DNAH8: variants seen among roughly 807,000 people sequenced by gnomAD.
DNAH8 encodes axonemal beta dynein heavy chain 8.
In DNAH8, 382 loss-of-function variants were observed where a neutral mutation model predicts 562.1. The observed-to-expected ratio is 0.68, with a 90% CI of 0.63 to 0.74. DNAH8 has a LOEUF of 0.74. DNAH8 is among the 30% of genes least tolerant of loss of function. DNAH8 has a pLI of 0.00. For synonymous variants in DNAH8, 1,881 were observed against 1,919.4 expected, an observed-to-expected ratio of 0.98 and a Z score of 0.52; for missense variants, 5,203 against 5,620.4, an observed-to-expected ratio of 0.93 and a Z score of 2.37.
chr6:38,809,338 T>C (rs1771586976), intron 24 of DNAH8, among the ~76,000 whole-genome samples: 1 of 152,206 alleles, frequency 6.6e-6, no homozygotes, highest in Non-Finnish European at 1.5e-5. Context: ...CTTCCCTACT[T>C]CATAATGTCT....
chr6:38,994,688 C>A lies in DNAH8; in HGVS notation c.13214+4516C>A, dbSNP rs560162927. 2.7e-5 allele frequency among the ~76,000 whole-genome samples: 4 copies of A among 148,310 alleles called. No homozygotes were observed. In the East Asian group the frequency reaches 7.8e-4, roughly 29 times the overall value. ...TTTGAGCCGGAGTCATGCTCTGTTG[C>A]CCAGGCTGGAGTGCTGTGGCATGAT... On this transcript the variant is annotated intron_variant, in intron 88 of 92. Coordinates refer to ENST00000327475, the MANE Select transcript of DNAH8 (RefSeq NM_001206927.2).
chr6:38,981,897 C>A (rs1425347949), intron 85 of DNAH8, among the ~76,000 whole-genome samples: 1 of 152,174 alleles, frequency 6.6e-6, no homozygotes, highest in African/African-American at 2.4e-5. Flanking sequence ...ACGTTTCAGT[C>A]AACATGGATT....
intron 11 of DNAH8, chr6:38,763,190 TGG>T: frequency 3.8e-6 from 1 of 265,192 alleles, no homozygotes; most frequent in Non-Finnish European, 7.4e-6. Context: ...ATCATACATT[TGG>T]AAACTCAGTT....
At chr6:38,816,547 G>A (rs2150323051) in intron 26 of DNAH8, among the ~76,000 whole-genome samples, 1 of 151,936 alleles carries the variant, frequency 6.6e-6, no homozygotes, top group South Asian at 2.1e-4. Flanking sequence ...AATGAACATA[G>A]GCGTGCATGT....
intron 75 of DNAH8, among the ~76,000 whole-genome samples, chr6:38,930,522 A>G (rs1045033417): frequency 5.9e-5 from 9 of 152,208 alleles, no homozygotes; most frequent in Admixed American, 5.9e-4. Flanking sequence ...AGCATCCAAT[A>G]TATACTTAAG....
Position 38,717,287 on chromosome 6 carries a change from T to C in DNAH8, c.-35+1872T>C, listed in dbSNP as rs574699621. Among the ~76,000 whole-genome samples, 8 of 152,308 alleles carry C rather than the reference T, an allele frequency of 5.3e-5. No homozygotes were observed. The East Asian group carries it at 1.5e-3, about 29-fold the overall frequency. ...CTGTGTGCTTTGCATCAGCAGAATG[T>C]GAATGCTTGGGGGTAGATTCGTAGG... On this transcript the variant is annotated intron_variant, in intron 1 of 92. Coordinates refer to ENST00000327475, the MANE Select transcript of DNAH8 (RefSeq NM_001206927.2).
At position 38,906,469 on chromosome 6, in the gene DNAH8, A is replaced by G. The variant is rs1780486709; in HGVS notation, c.9348+62A>G. 3 of 1,302,388 alleles carry G rather than the reference A, an allele frequency of 2.3e-6. No individual in the cohort carries two copies. In the East Asian group the frequency reaches 7.8e-5, roughly 34 times the overall value. The allele number at this position is 1,302,388 out of a possible 1,614,324, so 80.7% of individuals were successfully genotyped here. Reference sequence around the variant, plus strand: ...AAAATATAAATTATATTGGAATAGAAAAAGCAGCAACCTTTCAAAAATGAG... The same window carrying G: ...AAAATATAAATTATATTGGAATAGAGAAAGCAGCAACCTTTCAAAAATGAG... On this transcript the variant is annotated intron_variant, in intron 63 of 92. Transcript: ENST00000327475.
chr6:38,990,094 A>G lies in DNAH8; in HGVS notation c.13136A>G (p.Gln4379Arg), dbSNP rs1764678108. Residue 4379 changes from glutamine (Q) to arginine (R), a missense_variant, in exon 88 of 93, where the codon CAG (glutamine) becomes CGG (arginine). By Grantham distance (43) the Gln-to-Arg change is conservative. Coordinates refer to ENST00000327475, the MANE Select transcript of DNAH8 (RefSeq NM_001206927.2). ...YKIPLCKTLD[Q>R]YFEYIQSLPS... ...ATCCCCTTATGCAAAACCTTAGACC[A>G]GTATTTTGAATACATCCAGTCACTG... 1 of 1,601,242 alleles carries G rather than the reference A, an allele frequency of 6.2e-7. No individual in the cohort carries two copies. Among genetic ancestry groups the G allele is most frequent in the Admixed American group, 1.7e-5 (1 of 59,960 alleles).
intron 87 of DNAH8, among the ~76,000 whole-genome samples, chr6:38,988,486 C>A (rs893930329): frequency 2.0e-5 from 3 of 152,196 alleles, no homozygotes; most frequent in Non-Finnish European, 2.9e-5. Context: ...TTTAAGTCAT[C>A]CACGTCGTGA....
intron 73 of DNAH8, 111 bp downstream of exon 73, chr6:38,924,273 G>A: frequency 9.9e-7 from 1 of 1,011,248 alleles, no homozygotes; most frequent in Non-Finnish European, 1.4e-6. Context: ...AGCACTTTGG[G>A]AGGCTGAGGA....
At chr6:38,937,167 A>G (rs561187823) in intron 77 of DNAH8, among the ~76,000 whole-genome samples, 194 of 152,084 alleles carry the variant, frequency 1.3e-3, no homozygotes, top group Admixed American at 2.2e-3. Flanking sequence ...GAACACATGG[A>G]CACAGGGAGG....
At chr6:38,949,932 CT>C (rs1761745262) in intron 81 of DNAH8, among the ~76,000 whole-genome samples, 1 of 151,996 alleles carries the variant, frequency 6.6e-6, no homozygotes, top group African/African-American at 2.4e-5. Context: ...GAATTTATTT[CT>C]TTAAAAAAAC....
chr6:38,781,132 A>T, intron 15 of DNAH8, 122 bp from the exon 16 acceptor site: 1 of 994,654 alleles, frequency 1.0e-6, no homozygotes, highest in Non-Finnish European at 1.5e-6. Flanking sequence ...TTACATATTT[A>T]TTGACTACCT....
intron 33 of DNAH8, among the ~76,000 whole-genome samples, chr6:38,841,443 AAGAT>A (rs1037049989): frequency 1.3e-5 from 2 of 152,144 alleles, no homozygotes; most frequent in Non-Finnish European, 2.9e-5. Flanking sequence ...ATAAAATAAA[AAGAT>A]AGAACGACTT....
At chr6:38,745,507 G>A (rs773448265) in intron 8 of DNAH8, among the ~76,000 whole-genome samples, 4 of 152,232 alleles carry the variant, frequency 2.6e-5, no homozygotes, top group Middle Eastern at 3.4e-3. Context: ...GTTCCTGCCT[G>A]CTCTTCATCT....
chr6:38,921,946 C>A (rs1412592949), intron 71 of DNAH8, among the ~76,000 whole-genome samples: 3 of 151,528 alleles, frequency 2.0e-5, no homozygotes, highest in African/African-American at 7.3e-5. Context: ...CTCTGGCGGG[C>A]AGGGGTGGGG....
intron 4 of DNAH8, among the ~76,000 whole-genome samples, chr6:38,732,088 C>A (rs1412957816): frequency 1.3e-5 from 2 of 152,170 alleles, no homozygotes; most frequent in African/African-American, 2.4e-5. Context: ...TTATATAATA[C>A]ATTTTATTCT....
chr6:38,794,621 G>A (rs961057184), intron 21 of DNAH8, among the ~76,000 whole-genome samples: 2 of 151,968 alleles, frequency 1.3e-5, no homozygotes, highest in Admixed American at 1.3e-4. Flanking sequence ...TATTAGTTTC[G>A]CCTGTTTTTG....
At chr6:38,739,284 T>C (rs968559085) in intron 7 of DNAH8, among the ~76,000 whole-genome samples, 1 of 152,202 alleles carries the variant, frequency 6.6e-6, no homozygotes, top group African/African-American at 2.4e-5. Context: ...TAGATAAATA[T>C]ATTAATTACA....
Sources: gnomAD v4.1 joint callset for allele counts (sites outside exome capture counted in the v4.1 genomes callset) on GRCh38, gnomAD v4.1.1 for gene constraint, MANE v1.5 for transcripts, NCBI Gene and HGNC (gene_info 2026-07-23, HGNC 2026-07-21) for gene names.